PCDH7: variants seen among roughly 807,000 people sequenced by gnomAD.
PCDH7 encodes protocadherin-7.
A neutral mutation model predicts 58.9 loss-of-function variants in PCDH7; 17 were observed. That is an observed-to-expected ratio of 0.29 (90% CI 0.20 to 0.43). The LOEUF (loss-of-function observed/expected upper bound fraction) is 0.43. Ranked by LOEUF, PCDH7 falls within the 20% of genes least tolerant of loss-of-function variation. The pLI, the probability that PCDH7 is intolerant of heterozygous loss-of-function variation, is 1.00. For synonymous variants in PCDH7, 664 were observed against 616.4 expected, an observed-to-expected ratio of 1.08 and a Z score of -1.14; for missense variants, 1,274 against 1,441.0, an observed-to-expected ratio of 0.88 and a Z score of 1.88.
At chr4:30,855,682 G>A (rs1233465576) in intron 1 of PCDH7, among the ~76,000 whole-genome samples, 1 of 152,100 alleles carries the variant, frequency 6.6e-6, no homozygotes, top group Admixed American at 6.6e-5. Flanking sequence ...GATTATGTTG[G>A]TAAACTTAGT....
intron 3 of PCDH7, among the ~76,000 whole-genome samples, chr4:30,969,557 T>A (rs1749366946): frequency 6.6e-6 from 1 of 152,134 alleles, no homozygotes; most frequent in Non-Finnish European, 1.5e-5. Flanking sequence ...ATAGAAGCCA[T>A]CTCTTTAGCC....
intron 1 of PCDH7, among the ~76,000 whole-genome samples, chr4:30,792,803 T>C (rs915197136): frequency 7.9e-5 from 12 of 152,136 alleles, no homozygotes; most frequent in African/African-American, 2.4e-5. Flanking sequence ...TTCTCCCCTA[T>C]GTGTCAGACT....
chr4:30,727,441 A>G (rs1714767512), intron 1 of PCDH7, among the ~76,000 whole-genome samples: 1 of 151,980 alleles, frequency 6.6e-6, no homozygotes, highest in Admixed American at 6.6e-5. Flanking sequence ...GGCAGACTCT[A>G]GGAAATGTGT....
intron 2 of PCDH7, among the ~76,000 whole-genome samples, chr4:30,941,023 G>T (rs905578169): frequency 6.6e-6 from 1 of 151,720 alleles, no homozygotes; most frequent in South Asian, 2.1e-4. Context: ...TATTTGGAAG[G>T]GTATTCTCAT....
intron 3 of PCDH7, among the ~76,000 whole-genome samples, chr4:31,078,949 A>T (rs1759241753): frequency 6.6e-6 from 1 of 152,022 alleles, no homozygotes; most frequent in African/African-American, 2.4e-5. Flanking sequence ...TAGATGCTGT[A>T]TCTGTGGAAA....
At chr4:31,134,828 C>G (rs1330792202) in intron 3 of PCDH7, among the ~76,000 whole-genome samples, 1 of 152,134 alleles carries the variant, frequency 6.6e-6, no homozygotes, top group Non-Finnish European at 1.5e-5. Context: ...CTAGACCATG[C>G]TTTCTCTCAG....
At chr4:31,023,304 A>C (rs867962742) in intron 3 of PCDH7, among the ~76,000 whole-genome samples, 3 of 152,182 alleles carry the variant, frequency 2.0e-5, no homozygotes, top group African/African-American at 4.8e-5. Context: ...GGTTGTAAAA[A>C]TAGACTATGA....
intron 3 of PCDH7, among the ~76,000 whole-genome samples, chr4:30,996,029 T>C (rs1560564231): frequency 6.6e-6 from 1 of 152,062 alleles, no homozygotes; most frequent in Non-Finnish European, 1.5e-5. Context: ...GTGGCCATTA[T>C]TGTGCCTCTT....
intron 1 of PCDH7, among the ~76,000 whole-genome samples, chr4:30,868,723 A>G (rs182134300): frequency 6.6e-6 from 1 of 152,204 alleles, no homozygotes; most frequent in East Asian, 1.9e-4. Flanking sequence ...TTAGAATCCA[A>G]GAAAACAAAA....
chr4:30,825,750 A>C (rs979500521), intron 1 of PCDH7, among the ~76,000 whole-genome samples: 2 of 149,346 alleles, frequency 1.3e-5, no homozygotes, highest in African/African-American at 5.0e-5. Flanking sequence ...TTTCTAACAT[A>C]TCAAAAGGTA....
At chr4:30,791,526 T>C (rs1724121199) in intron 1 of PCDH7, among the ~76,000 whole-genome samples, 1 of 152,178 alleles carries the variant, frequency 6.6e-6, no homozygotes, top group African/African-American at 2.4e-5. Context: ...AGTTGCAGAC[T>C]TAGATGTTCA....
intron 1 of PCDH7, among the ~76,000 whole-genome samples, chr4:30,771,009 A>G (rs1368135458): frequency 6.6e-6 from 1 of 152,196 alleles, no homozygotes; most frequent in African/African-American, 2.4e-5. Flanking sequence ...TGAACACTAG[A>G]TTAGGTCTTC....
At chr4:30,960,313 CT>C (rs1236713571) in intron 3 of PCDH7, among the ~76,000 whole-genome samples, 1 of 152,026 alleles carries the variant, frequency 6.6e-6, no homozygotes, top group Non-Finnish European at 1.5e-5. Flanking sequence ...TCGAGACATG[CT>C]TTTGGGAATG....
At chr4:30,988,828 C>T (rs1331471501) in intron 3 of PCDH7, among the ~76,000 whole-genome samples, 1 of 152,136 alleles carries the variant, frequency 6.6e-6, no homozygotes, top group African/African-American at 2.4e-5. Flanking sequence ...TCTTTCTTTG[C>T]AGGCCCTGTG....
chr4:30,736,751 T>A (rs1299169717), downstream of PCDH7, among the ~76,000 whole-genome samples: 1 of 151,990 alleles, frequency 6.6e-6, no homozygotes, highest in Non-Finnish European at 1.5e-5. Context: ...TCAGCCAGGA[T>A]GGTCTCGATA....
Position 30,724,444 on chromosome 4 carries a change from C to T in PCDH7, c.3022C>T (p.His1008Tyr), listed in dbSNP as rs1330468030. 1.9e-6 allele frequency: 3 copies of T among 1,614,108 alleles called. No individual in the cohort carries two copies. In the South Asian group the frequency reaches 3.3e-5, roughly 18 times the overall value. The change falls in exon 1 of 2, where the codon CAT becomes TAT. Residue 1008 changes from histidine (H) to tyrosine (Y), a missense_variant. His to Tyr is a moderately conservative substitution (Grantham distance 83). Around this residue, in one of 3 missense-constraint regions of PCDH7, gnomAD observed 731 missense variants for 881.9 expected, o/e 0.83. Transcript: ENST00000361762. The stretch of plus-strand genomic sequence containing the variant: ...TTCCCCATTGCCTACTGTTCAGCTT[C>T]ATCCCCAGTCACCAACTGCAGGAAA...
intron 1 of PCDH7, among the ~76,000 whole-genome samples, chr4:30,784,330 T>C (rs925701008): frequency 4.6e-5 from 7 of 152,202 alleles, no homozygotes; most frequent in African/African-American, 1.7e-4. Flanking sequence ...AGTACCTATT[T>C]CTTTTGGCTT....
intron 2 of PCDH7, among the ~76,000 whole-genome samples, chr4:30,931,399 A>G (rs555896921): frequency 4.6e-5 from 7 of 152,178 alleles, no homozygotes; most frequent in African/African-American, 1.4e-4. Flanking sequence ...AACATGGAGA[A>G]ACCCTGTTTG....
intron 3 of PCDH7, among the ~76,000 whole-genome samples, chr4:31,045,502 A>G (rs1756208093): frequency 6.6e-6 from 1 of 152,040 alleles, no homozygotes; most frequent in South Asian, 2.1e-4. Flanking sequence ...TCCTGCTGTC[A>G]GAAGTCATAA....
Sources: gnomAD v4.1 joint callset for allele counts (sites outside exome capture counted in the v4.1 genomes callset) on GRCh38, gnomAD v4.1.1 for gene constraint, gnomAD v4.1.1 regional missense constraint, MANE v1.5 for transcripts, NCBI Gene and HGNC (gene_info 2026-07-23, HGNC 2026-07-21) for gene names.